ATXN1: variants seen among roughly 807,000 people sequenced by gnomAD.
ATXN1 encodes ataxin 1.
Under a neutral mutation model 56.4 loss-of-function variants are expected in ATXN1, and 8 were observed. The ratio of observed to expected loss-of-function variants is 0.14; its 90% CI spans 0.08 to 0.26. The LOEUF is 0.26. ATXN1 is among the 10% of genes least tolerant of loss of function. The pLI, the probability that ATXN1 is intolerant of heterozygous loss-of-function variation, is 1.00. For synonymous variants in ATXN1, 514 were observed against 494.6 expected (o/e 1.04, Z -0.52); for missense variants, 987 against 1,106.5 (o/e 0.89, Z 1.53).
At chr6:16,711,153 CA>C (rs1246761957) in intron 2 of ATXN1, among the ~76,000 whole-genome samples, 1 of 152,104 alleles carries the variant, frequency 6.6e-6, no homozygotes, top group Non-Finnish European at 1.5e-5. Flanking sequence ...TGATTTTTGA[CA>C]AAGGTGTGAT....
At chr6:16,523,010 G>T (rs1761323471) in intron 4 of ATXN1, among the ~76,000 whole-genome samples, 1 of 152,124 alleles carries the variant, frequency 6.6e-6, no homozygotes, top group Non-Finnish European at 1.5e-5. Flanking sequence ...TTCTTAAAAT[G>T]TCATGTCCTC....
At chr6:16,425,228 A>C (rs1759125170) in intron 6 of ATXN1, among the ~76,000 whole-genome samples, 1 of 152,250 alleles carries the variant, frequency 6.6e-6, no homozygotes, top group African/African-American at 2.4e-5. Context: ...GTAGCTACTA[A>C]CTTCACATTT....
chr6:16,453,125 T>G (rs1759785632), intron 6 of ATXN1, among the ~76,000 whole-genome samples: 1 of 152,196 alleles, frequency 6.6e-6, no homozygotes, highest in African/African-American at 2.4e-5. Context: ...AGGTCTGTTT[T>G]TGGTGTGTTT....
Position 16,624,432 on chromosome 6 carries a change from C to T in ATXN1, c.-489+33344G>A, listed in dbSNP as rs1172634607. Reference sequence around the variant, plus strand: ...AACAATGTGAATTCAGTTAATACCACTGAATGTACACTTGATGGTGAAGAC... The same window carrying T: ...AACAATGTGAATTCAGTTAATACCATTGAATGTACACTTGATGGTGAAGAC... On this transcript the variant is annotated intron_variant, in intron 3 of 7. Coordinates refer to ENST00000436367, the MANE Select transcript of ATXN1 (RefSeq NM_001128164.2). Among the ~76,000 whole-genome samples, 3 of 151,520 alleles carry T rather than the reference C, an allele frequency of 2.0e-5. No homozygotes were observed. The East Asian group carries it at 5.8e-4, about 29-fold the overall frequency.
At chr6:16,694,086 A>G (rs929249924) in intron 2 of ATXN1, among the ~76,000 whole-genome samples, 1 of 152,222 alleles carries the variant, frequency 6.6e-6, no homozygotes, top group Non-Finnish European at 1.5e-5. Flanking sequence ...GTTCTTGCTA[A>G]GAATGAATTC....
intron 4 of ATXN1, among the ~76,000 whole-genome samples, chr6:16,528,155 G>T (rs1354867296): frequency 2.6e-5 from 4 of 152,006 alleles, no homozygotes; most frequent in Non-Finnish European, 4.4e-5. Context: ...ACAAAAATTA[G>T]CCAGGTGTCC....
At chr6:16,596,335 A>G (rs1251173380) in intron 3 of ATXN1, among the ~76,000 whole-genome samples, 4 of 152,160 alleles carry the variant, frequency 2.6e-5, no homozygotes, top group African/African-American at 9.7e-5. Context: ...CTGGTAAACA[A>G]AGTGAGCTGA....
chr6:16,374,248 T>G (rs533642779), intron 6 of ATXN1, among the ~76,000 whole-genome samples: 11 of 152,150 alleles, frequency 7.2e-5, no homozygotes, highest in African/African-American at 2.6e-4. Context: ...CATATTCAGT[T>G]AAGTGCAAAA....
chr6:16,620,236 TTCTCTC>T (rs67943406), intron 3 of ATXN1, among the ~76,000 whole-genome samples: 1 of 146,512 alleles, frequency 6.8e-6, no homozygotes, highest in Non-Finnish European at 1.5e-5. Context: ...CACATACATA[TTCTCTC>T]TCTCTCTCTC....
chr6:16,647,714 A>G (rs1763823983), intron 3 of ATXN1, among the ~76,000 whole-genome samples: 3 of 152,266 alleles, frequency 2.0e-5, no homozygotes. Flanking sequence ...AACATTTCAC[A>G]ATATATATGT....
intron 6 of ATXN1, among the ~76,000 whole-genome samples, chr6:16,473,993 C>G (rs957544888): frequency 6.6e-6 from 1 of 152,184 alleles, no homozygotes; most frequent in African/African-American, 2.4e-5. Context: ...TGCTTAAACT[C>G]TTTCAATGAC....
chr6:16,673,771 C>G (rs1174859076), intron 2 of ATXN1, among the ~76,000 whole-genome samples: 3 of 152,104 alleles, frequency 2.0e-5, no homozygotes, highest in African/African-American at 7.2e-5. Flanking sequence ...CCTGCCTCGA[C>G]CTCCTAAAGT....
intron 6 of ATXN1, among the ~76,000 whole-genome samples, chr6:16,356,289 A>G (rs1277769876): frequency 6.6e-6 from 1 of 152,142 alleles, no homozygotes; most frequent in African/African-American, 2.4e-5. Flanking sequence ...TTATTCTATG[A>G]CTCAGAAGGT....
At chr6:16,652,612 C>T (rs1482039183) in intron 3 of ATXN1, among the ~76,000 whole-genome samples, 2 of 152,198 alleles carry the variant, frequency 1.3e-5, no homozygotes, top group East Asian at 3.8e-4. Flanking sequence ...GACAAAGGCT[C>T]AAAGTCAATT....
At chr6:16,418,227 C>G (rs562642520) in intron 6 of ATXN1, among the ~76,000 whole-genome samples, 89 of 152,356 alleles carry the variant, frequency 5.8e-4, no homozygotes, top group African/African-American at 2.1e-3. Context: ...TGCACTGTCT[C>G]AAACTATTCC....
chr6:16,620,048 G>A (rs994557308), intron 3 of ATXN1, among the ~76,000 whole-genome samples: 1 of 152,050 alleles, frequency 6.6e-6, no homozygotes, highest in Non-Finnish European at 1.5e-5. Flanking sequence ...TGTATGTAAA[G>A]CACTTAGTAC....
chr6:16,639,605 C>T (rs890148202), intron 3 of ATXN1, among the ~76,000 whole-genome samples: 3 of 149,030 alleles, frequency 2.0e-5, no homozygotes, highest in African/African-American at 4.9e-5. Flanking sequence ...TGAGCCATTG[C>T]GCCCGGCCCC....
Position 16,731,754 on chromosome 6 carries a change from G to A in ATXN1, c.-615+21479C>T, listed in dbSNP as rs550181736. ...TAATTGTATTGCCGTTTCCTTCTCC[G>A]CCTCTTTCTCCCACCTACCCCCACC... is the stretch of plus-strand genomic sequence containing the variant. On this transcript the variant is annotated intron_variant, in intron 2 of 7. Transcript: ENST00000436367. Among the ~76,000 whole-genome samples, 13 of 151,384 alleles carry A rather than the reference G, an allele frequency of 8.6e-5. No homozygotes were observed. In the South Asian group the frequency reaches 1.9e-3, roughly 22 times the overall value.
At chr6:16,353,732 G>A (rs1761621207) in intron 6 of ATXN1, among the ~76,000 whole-genome samples, 1 of 152,142 alleles carries the variant, frequency 6.6e-6, no homozygotes, top group African/African-American at 2.4e-5. Context: ...TAAACTTGAA[G>A]CAGTGAAAAA....
Sources: gnomAD v4.1 joint callset for allele counts (sites outside exome capture counted in the v4.1 genomes callset) on GRCh38, gnomAD v4.1.1 for gene constraint, MANE v1.5 for transcripts, NCBI Gene and HGNC (gene_info 2026-07-23, HGNC 2026-07-21) for gene names.